CNTNAP5: variants seen among roughly 807,000 people sequenced by gnomAD.
CNTNAP5 encodes contactin-associated protein-like 5.
CNTNAP5 carries 72 observed loss-of-function variants against 150.2 expected under a neutral mutation model. The ratio of observed to expected loss-of-function variants is 0.48; its 90% CI spans 0.40 to 0.58. CNTNAP5 has a LOEUF of 0.58. Ranked by LOEUF, CNTNAP5 falls within the 20% of genes least tolerant of loss-of-function variation. The pLI is 0.00. For synonymous variants in CNTNAP5, 672 were observed against 619.8 expected, an observed-to-expected ratio of 1.08 and a Z score of -1.25; for missense variants, 1,636 against 1,626.2, an observed-to-expected ratio of 1.01 and a Z score of -0.10.
chr2:124,797,907 GT>G (rs1681881105), intron 18 of CNTNAP5, among the ~76,000 whole-genome samples, 188 bp from the exon 19 acceptor site: 1 of 152,162 alleles, frequency 6.6e-6, no homozygotes, highest in Admixed American at 6.6e-5. Flanking sequence ...AGAGCATTAA[GT>G]TTTTCATTTG....
chr2:124,656,553 G>A (rs186996891), intron 13 of CNTNAP5, among the ~76,000 whole-genome samples: 237 of 152,132 alleles, frequency 1.6e-3, no homozygotes, highest in Admixed American at 6.3e-3. Flanking sequence ...GAAGTGGGTG[G>A]GTCTTACCAA....
At chr2:124,331,316 C>T (rs1476403451) in intron 3 of CNTNAP5, among the ~76,000 whole-genome samples, 1 of 151,912 alleles carries the variant, frequency 6.6e-6, no homozygotes, top group Admixed American at 6.6e-5. Context: ...ATTTAATAGC[C>T]AAAATTATGA....
At chr2:124,030,573 G>A (rs1681018679) in intron 1 of CNTNAP5, among the ~76,000 whole-genome samples, 2 of 151,950 alleles carry the variant, frequency 1.3e-5, no homozygotes, top group Admixed American at 6.6e-5. Flanking sequence ...GGTTCTTTAT[G>A]GTTAATTTCT....
chr2:124,128,637 A>G (rs1683772401), intron 1 of CNTNAP5, among the ~76,000 whole-genome samples: 1 of 152,200 alleles, frequency 6.6e-6, no homozygotes. Flanking sequence ...CACTATTCAC[A>G]ATAGAAAAGA....
At chr2:124,259,963 T>C (rs1687409910) in intron 3 of CNTNAP5, among the ~76,000 whole-genome samples, 2 of 152,246 alleles carry the variant, frequency 1.3e-5, no homozygotes, top group South Asian at 4.1e-4. Context: ...ATAGATTCAA[T>C]GCCATCCCCA....
intron 3 of CNTNAP5, among the ~76,000 whole-genome samples, chr2:124,357,772 A>G (rs1487553745): frequency 6.9e-6 from 1 of 144,920 alleles, no homozygotes; most frequent in Admixed American, 6.9e-5. Context: ...TTGGCTTAGG[A>G]TTGCCTTGGC....
intron 3 of CNTNAP5, among the ~76,000 whole-genome samples, chr2:124,283,163 T>A (rs1165962858): frequency 1.3e-5 from 2 of 152,162 alleles, no homozygotes; most frequent in Admixed American, 6.5e-5. Flanking sequence ...GCCAGAGTCT[T>A]GGTTTGGTCT....
chr2:124,553,265 A>G (rs1399577865), intron 10 of CNTNAP5, among the ~76,000 whole-genome samples: 1 of 152,182 alleles, frequency 6.6e-6, no homozygotes, highest in Admixed American at 6.5e-5. Context: ...GTACTTTGGG[A>G]GGCCGAGGCA....
chr2:124,419,134 C>G lies in CNTNAP5; in HGVS notation c.529+1544C>G, dbSNP rs572098202. Among the ~76,000 whole-genome samples, 15 of 1,280 alleles carry G rather than the reference C, an allele frequency of 0.012. No individual in the cohort carries two copies. The East Asian group carries it at 0.41, about 35-fold the overall frequency. 0.8% of individuals were successfully genotyped at this position (1,280 alleles called of 152,430 possible). A position where few individuals can be genotyped will look rare whatever the true frequency, so the allele number is the denominator to read the frequency against. On this transcript the variant is annotated intron_variant, in intron 4 of 23. Coordinates refer to ENST00000682447, the MANE Select transcript of CNTNAP5 (RefSeq NM_001367498.1). ...CCGGCCTGGGCGACAGAGCGAGACT[C>G]CTTCTCAAAAAAAAAAAAAAAAAAA...
At chr2:124,252,195 A>C (rs2104781041) in intron 3 of CNTNAP5, among the ~76,000 whole-genome samples, 1 of 152,280 alleles carries the variant, frequency 6.6e-6, no homozygotes, top group South Asian at 2.1e-4. Flanking sequence ...TGAGAATTTA[A>C]GAATGTATGT....
intron 8 of CNTNAP5, among the ~76,000 whole-genome samples, chr2:124,520,419 T>TTGATACTTAC (rs1219751931): frequency 1.3e-5 from 2 of 152,226 alleles, no homozygotes; most frequent in Non-Finnish European, 2.9e-5. Context: ...CTTGGGATTT[T>TTGATACTTAC]TGATACTTAC....
intron 2 of CNTNAP5, among the ~76,000 whole-genome samples, chr2:124,239,564 G>C (rs1027011970): frequency 1.3e-5 from 2 of 152,028 alleles, no homozygotes; most frequent in Non-Finnish European, 2.9e-5. Flanking sequence ...ATGTTGATAA[G>C]GGAAACTATG....
chr2:124,858,593 G>A (rs113280100), intron 19 of CNTNAP5, among the ~76,000 whole-genome samples: 10 of 152,140 alleles, frequency 6.6e-5, no homozygotes, highest in Non-Finnish European at 1.3e-4. Flanking sequence ...TGGATAGGAA[G>A]AATCAATATC....
In CNTNAP5 at chr2:124,700,901, A is replaced by G. The variant is rs543458431; in HGVS notation, c.2078-46328A>G. On this transcript the variant is annotated intron_variant, in intron 13 of 23. Coordinates refer to ENST00000682447, the MANE Select transcript of CNTNAP5 (RefSeq NM_001367498.1). ...TTTGCCACTATTTTTAATGGCAAAA[A>G]CCACAAATACATTTGCACCAACCTA... 1.2e-4 allele frequency among the ~76,000 whole-genome samples: 19 copies of G among 152,172 alleles called. No individual in the cohort carries two copies. In the East Asian group the frequency reaches 3.3e-3, roughly 26 times the overall value.
chr2:124,711,750 A>G (rs1679812924), intron 13 of CNTNAP5, among the ~76,000 whole-genome samples: 1 of 152,116 alleles, frequency 6.6e-6, no homozygotes, highest in South Asian at 2.1e-4. Flanking sequence ...CTGAGACAGG[A>G]GAATCCCTTG....
chr2:124,602,741 C>A (rs1384524820), intron 11 of CNTNAP5, among the ~76,000 whole-genome samples: 1 of 152,262 alleles, frequency 6.6e-6, no homozygotes, highest in Non-Finnish European at 1.5e-5. Flanking sequence ...GATTGTGCCA[C>A]CTCAGCCTCC....
intron 3 of CNTNAP5, among the ~76,000 whole-genome samples, chr2:124,256,060 A>C (rs1687306044): frequency 6.6e-6 from 1 of 152,204 alleles, no homozygotes; most frequent in Non-Finnish European, 1.5e-5. Flanking sequence ...CTGGGGTCCT[A>C]AGAGATAAGG....
At chr2:124,074,299 T>C (rs13008090) in intron 1 of CNTNAP5, among the ~76,000 whole-genome samples, 18,317 of 152,056 alleles carry the variant, frequency 0.12, 1,166 homozygotes, top group South Asian at 0.23. Context: ...GTGACTGTGG[T>C]CAATAGTAAT....
chr2:124,364,105 C>T (rs1049680685), intron 3 of CNTNAP5, among the ~76,000 whole-genome samples: 16 of 152,172 alleles, frequency 1.1e-4, no homozygotes, highest in African/African-American at 3.9e-4. Flanking sequence ...AGGCAAAATC[C>T]TTACTGTGGC....
Sources: allele counts gnomAD v4.1 joint callset (sites outside exome capture counted in the v4.1 genomes callset), GRCh38; gene constraint gnomAD v4.1.1; transcripts MANE v1.5; gene names NCBI Gene and HGNC (gene_info 2026-07-23, HGNC 2026-07-21).